MYLK: variants seen among roughly 807,000 people sequenced by gnomAD.
The protein encoded by MYLK is myosin light chain kinase, smooth muscle.
Under a neutral mutation model 203.4 loss-of-function variants are expected in MYLK, and 106 were observed. The ratio of observed to expected loss-of-function variants is 0.52; its 90% confidence interval spans 0.45 to 0.61. The LOEUF (loss-of-function observed/expected upper bound fraction) is 0.61, where lower values mean the gene tolerates loss of function less well. MYLK is among the 20% of genes least tolerant of loss of function. The pLI, the probability that MYLK is intolerant of heterozygous loss-of-function variation, is 0.00. For synonymous variants in MYLK, 867 were observed against 959.5 expected (o/e 0.90, Z 1.78); for missense variants, 2,072 against 2,442.3 (o/e 0.85, Z 3.20).
intron 2 of MYLK, among the ~76,000 whole-genome samples, chr3:123,836,279 C>A (rs1577097769): frequency 6.6e-6 from 1 of 152,170 alleles, no homozygotes; most frequent in Non-Finnish European, 1.5e-5. Context: ...ATGTCTTTCA[C>A]CCACACCTGC....
chr3:123,819,991 A>G (rs572445918), intron 3 of MYLK, among the ~76,000 whole-genome samples: 7 of 152,222 alleles, frequency 4.6e-5, no homozygotes, highest in Admixed American at 3.3e-4. Context: ...AAACTTACGG[A>G]GAGCTTCTAA....
intron 24 of MYLK, among the ~76,000 whole-genome samples, chr3:123,649,584 T>C (rs61318139): frequency 0.012 from 1,874 of 152,348 alleles, 42 homozygotes; most frequent in African/African-American, 0.043. Context: ...CTGCTTCTAG[T>C]GTCAAATCCA....
Position 123,733,006 on chromosome 3 carries a change from G to A in MYLK, c.1406C>T (p.Ser469Phe), listed in dbSNP as rs1274976522. 4 of 1,614,058 alleles carry A rather than the reference G, an allele frequency of 2.5e-6. No individual in the cohort carries two copies. The highest frequency in any genetic ancestry group is 1.7e-5 in the Admixed American group (1 of 59,998). The change falls in exon 11 of 34, where the codon TCC (serine) becomes TTC (phenylalanine). Residue 469 changes from serine (S) to phenylalanine (F), a missense_variant. Physicochemically the swap from Ser to Phe is radical, Grantham distance 155 (BLOSUM62 -2). This residue lies in a region of MYLK where 683 missense variants were observed against 643.8 expected (regional missense o/e 1.06). Transcript: ENST00000360304. ...GGCTTTCAGCAGGCAGAGGTAATGG[G>A]AGCCAGCATCTTCATAAACCTCAAT... The part of the protein sequence containing the change: ...GSIEVYEDAG[S>F]HYLCLLKART...
At chr3:123,862,389 C>T (rs2148691663) in intron 2 of MYLK, among the ~76,000 whole-genome samples, 1 of 152,280 alleles carries the variant, frequency 6.6e-6, no homozygotes, top group African/African-American at 2.4e-5. Context: ...TGCCTTAAAT[C>T]CATTGTCTAT....
chr3:123,767,564 G>A (rs1159955005), intron 4 of MYLK, among the ~76,000 whole-genome samples: 1 of 152,186 alleles, frequency 6.6e-6, no homozygotes, highest in Non-Finnish European at 1.5e-5. Context: ...CCAAGATTGC[G>A]CCACTGCACT....
chr3:123,682,431 C>CA, intron 19 of MYLK, 121 bp from the exon 20 acceptor site: 1 of 796,182 alleles, frequency 1.3e-6, no homozygotes, highest in Non-Finnish European at 2.1e-6. Flanking sequence ...CCTTTGTGCC[C>CA]GCTGGGCAGA....
intron 14 of MYLK, 22 bp downstream of exon 14, chr3:123,709,732 CAA>C (rs41347249): frequency 0.023 from 37,525 of 1,612,878 alleles, 555 homozygotes; most frequent in Non-Finnish European, 0.028. Flanking sequence ...TGTTAATCCC[CAA>C]GAGAGAGCTG....
chr3:123,675,889 A>G (rs941515257), intron 20 of MYLK, among the ~76,000 whole-genome samples: 1 of 152,196 alleles, frequency 6.6e-6, no homozygotes, highest in Non-Finnish European at 1.5e-5. Flanking sequence ...CATCCAGTAC[A>G]TGCTTACAGA....
intron 24 of MYLK, 151 bp downstream of exon 24, chr3:123,656,975 A>T (rs1438335531): frequency 1.2e-6 from 1 of 860,204 alleles, no homozygotes; most frequent in Admixed American, 2.1e-5. Flanking sequence ...GCTCAACATC[A>T]CTGTCTTGGA....
chr3:123,846,174 T>C (rs939620632), intron 2 of MYLK, among the ~76,000 whole-genome samples: 2 of 152,226 alleles, frequency 1.3e-5, no homozygotes, highest in African/African-American at 4.8e-5. Flanking sequence ...CATTTGTGTC[T>C]CTTTGGGAAC....
intron 13 of MYLK, among the ~76,000 whole-genome samples, chr3:123,714,223 G>C (rs1576699100): frequency 6.6e-6 from 1 of 152,208 alleles, no homozygotes; most frequent in South Asian, 2.1e-4. Flanking sequence ...AAGCTCGCCT[G>C]TCCTAAGGTC....
At chr3:123,639,968 T>C (rs1233938676) in intron 28 of MYLK, among the ~76,000 whole-genome samples, 1 of 152,018 alleles carries the variant, frequency 6.6e-6, no homozygotes, top group Non-Finnish European at 1.5e-5. Flanking sequence ...AAGGGGATAA[T>C]CATCATCATA....
At chr3:123,670,665 C>A (rs1046306874) in intron 20 of MYLK, among the ~76,000 whole-genome samples, 2 of 152,080 alleles carry the variant, frequency 1.3e-5, no homozygotes, top group African/African-American at 4.8e-5. Context: ...ATTGCTTGAG[C>A]CCAGGAGTTC....
Position 123,649,204 on chromosome 3 carries a change from G to A in MYLK, c.4289-10C>T, listed in dbSNP as rs1296910439. On this transcript the variant is annotated splice_polypyrimidine_tract_variant and intron_variant, in intron 24 of 33. Coordinates refer to ENST00000360304, the MANE Select transcript of MYLK (RefSeq NM_053025.4). ...ACTTCATCCTTCGGCTCTGGGGGGGGCACAAGGAAGGACAGAGAGGACACA... is the reference window on the plus strand; with the variant it reads ...ACTTCATCCTTCGGCTCTGGGGGGGACACAAGGAAGGACAGAGAGGACACA... 2 of 1,612,216 alleles carry A rather than the reference G, an allele frequency of 1.2e-6. No homozygotes were observed. The highest frequency in any genetic ancestry group is 1.7e-6 in the Non-Finnish European group (2 of 1,179,970).
intron 2 of MYLK, among the ~76,000 whole-genome samples, chr3:123,843,565 C>T (rs995761565): frequency 1.3e-5 from 2 of 152,216 alleles, no homozygotes; most frequent in African/African-American, 4.8e-5. Flanking sequence ...GGCAGCATAA[C>T]CAAGAAAAGG....
At chr3:123,802,899 A>G (rs532022167) in intron 3 of MYLK, among the ~76,000 whole-genome samples, 1 of 152,310 alleles carries the variant, frequency 6.6e-6, no homozygotes, top group South Asian at 2.1e-4. Flanking sequence ...AGTTTGGGGT[A>G]TCAAGTATAC....
rs1395587653 is a variant in MYLK, at chr3:123,610,666, C to T, written c.*3439G>A. On this transcript the variant is annotated 3_prime_UTR_variant, in exon 34 of 34. Coordinates refer to ENST00000360304, the MANE Select transcript of MYLK (RefSeq NM_053025.4). Reference sequence around the variant, plus strand: ...AACATTAGCCCCCCCTTTCAAATTACAGGAAGGAGTCCCAAGGGATAAAGA... The same window carrying T: ...AACATTAGCCCCCCCTTTCAAATTATAGGAAGGAGTCCCAAGGGATAAAGA... The T allele has an allele frequency of 6.6e-6, 1 of 152,152 alleles. No homozygotes were observed. The highest frequency in any genetic ancestry group is 1.5e-5 in the Non-Finnish European group (1 of 68,038). 9.4% of individuals were successfully genotyped at this position (152,152 alleles called of 1,614,324 possible).
intron 1 of MYLK, among the ~76,000 whole-genome samples, chr3:123,877,723 C>A (rs2033251796): frequency 6.6e-6 from 1 of 152,216 alleles, no homozygotes; most frequent in Non-Finnish European, 1.5e-5. Context: ...CCACCTGCTG[C>A]TTCCTCATGA....
intron 16 of MYLK, among the ~76,000 whole-genome samples, chr3:123,707,130 G>A (rs140722384): frequency 5.4e-4 from 82 of 152,286 alleles, no homozygotes; most frequent in African/African-American, 1.6e-3. Flanking sequence ...GCAGCCCCAC[G>A]GAGAGGTCCA....
Sources: gnomAD v4.1 joint callset for allele counts (sites outside exome capture counted in the v4.1 genomes callset) on GRCh38, gnomAD v4.1.1 for gene constraint, gnomAD v4.1.1 regional missense constraint, MANE v1.5 for transcripts, NCBI Gene and HGNC (gene_info 2026-07-23, HGNC 2026-07-21) for gene names.